KCNQ5: variants seen among roughly 807,000 people sequenced by gnomAD.
KCNQ5 encodes the protein potassium voltage-gated channel subfamily KQT member 5.
A neutral mutation model predicts 98.2 loss-of-function variants in KCNQ5; 30 were observed. That is an observed-to-expected ratio of 0.31 (90% confidence interval 0.23 to 0.41). The LOEUF is 0.41. Ranked by LOEUF, KCNQ5 falls within the 10% of genes least tolerant of loss-of-function variation. The pLI is 1.00. For missense variants in KCNQ5, 835 were observed against 1,182.5 expected (o/e 0.71, Z 4.31); for synonymous variants, 458 against 449.4 (o/e 1.02, Z -0.24).
intron 1 of KCNQ5, among the ~76,000 whole-genome samples, chr6:72,978,250 T>G (rs1768251519): frequency 6.6e-6 from 1 of 152,246 alleles, no homozygotes; most frequent in African/African-American, 2.4e-5. Flanking sequence ...ACTGGTTTTT[T>G]ATCACAGTTA....
chr6:73,190,281 T>C (rs750758779), intron 11 of KCNQ5, among the ~76,000 whole-genome samples: 1 of 152,204 alleles, frequency 6.6e-6, no homozygotes, highest in Non-Finnish European at 1.5e-5. Flanking sequence ...AGAATTGCAT[T>C]TTGACTTTAA....
At chr6:72,883,755 A>T (rs908495161) in intron 1 of KCNQ5, among the ~76,000 whole-genome samples, 10 of 152,176 alleles carry the variant, frequency 6.6e-5, no homozygotes, top group African/African-American at 2.4e-4. Flanking sequence ...AATGAGTAAG[A>T]ATAAGAGGAG....
intron 1 of KCNQ5, among the ~76,000 whole-genome samples, chr6:72,800,127 ACTGT>A (rs1774563281): frequency 7.9e-5 from 12 of 152,140 alleles, no homozygotes; most frequent in Admixed American, 7.9e-4. Context: ...CCTATATCAG[ACTGT>A]CTGAGTTACA....
chr6:73,129,997 G>C (rs1776159301), intron 9 of KCNQ5: 1 of 637,584 alleles, frequency 1.6e-6, no homozygotes, highest in Non-Finnish European at 2.7e-6. Context: ...CAACCCGCTT[G>C]AAATTTTCCT....
intron 1 of KCNQ5, among the ~76,000 whole-genome samples, chr6:72,930,193 G>A (rs1434300602): frequency 6.6e-6 from 1 of 151,182 alleles, no homozygotes; most frequent in Non-Finnish European, 1.5e-5. Flanking sequence ...TGGAGTAGGA[G>A]CTTAACACAT....
At chr6:73,194,029 G>A (rs565217399) in intron 13 of KCNQ5, among the ~76,000 whole-genome samples, 1 of 151,932 alleles carries the variant, frequency 6.6e-6, no homozygotes, top group East Asian at 1.9e-4. Context: ...TGGTAGAGAC[G>A]AGGTCTCACC....
intron 1 of KCNQ5, among the ~76,000 whole-genome samples, chr6:72,723,962 C>G (rs1013128709): frequency 1.3e-5 from 2 of 152,126 alleles, no homozygotes; most frequent in African/African-American, 4.8e-5. Context: ...TTCTGCACTT[C>G]CATTGTCTGC....
intron 1 of KCNQ5, among the ~76,000 whole-genome samples, chr6:72,818,081 G>A (rs1338428819): frequency 2.0e-5 from 3 of 151,982 alleles, no homozygotes; most frequent in South Asian, 2.1e-4. Context: ...TTAAAAAATC[G>A]AAGCTCAGTT....
intron 1 of KCNQ5, among the ~76,000 whole-genome samples, chr6:72,726,384 G>C (rs1368829560): frequency 1.3e-5 from 2 of 151,816 alleles, no homozygotes; most frequent in Non-Finnish European, 2.9e-5. Context: ...CTAATTCCCT[G>C]TATTTTTTTT....
chr6:72,970,505 C>T (rs1767834246), intron 1 of KCNQ5, among the ~76,000 whole-genome samples: 1 of 152,070 alleles, frequency 6.6e-6, no homozygotes, highest in African/African-American at 2.4e-5. Context: ...TCAGTAGTAC[C>T]AAAGCTAATT....
chr6:73,098,370 A>G (rs1774611648), intron 5 of KCNQ5, among the ~76,000 whole-genome samples: 1 of 152,156 alleles, frequency 6.6e-6, no homozygotes, highest in African/African-American at 2.4e-5. Context: ...TAATAACAGA[A>G]CTTCCCAAAC....
At chr6:72,877,901 A>G (rs1455719542) in intron 1 of KCNQ5, among the ~76,000 whole-genome samples, 9 of 152,210 alleles carry the variant, frequency 5.9e-5, no homozygotes, top group Non-Finnish European at 1.2e-4. Flanking sequence ...TTACCTTCTG[A>G]CTTTTTCTGA....
At position 72,856,760 on chromosome 6, in the gene KCNQ5, A is replaced by G. The variant is rs192272647; in HGVS notation, c.399-147148A>G. ...TGCATTAATTAAAATTGATTGATGA[A>G]AGTGCCCAGGATCTAGACCGTTGCA... On this transcript the variant is annotated intron_variant, in intron 1 of 13. Coordinates refer to ENST00000370398, the MANE Select transcript of KCNQ5 (RefSeq NM_019842.4). 3.9e-3 allele frequency among the ~76,000 whole-genome samples: 591 copies of G among 152,334 alleles called. 7 individuals carry two copies. The highest frequency in any genetic ancestry group is 0.013 in the African/African-American group (550 of 41,570).
chr6:73,145,908 C>T (rs564271756), intron 10 of KCNQ5, among the ~76,000 whole-genome samples: 32 of 152,066 alleles, frequency 2.1e-4, no homozygotes, highest in Non-Finnish European at 3.7e-4. Context: ...CGTGTCTTTA[C>T]GTGGTAGCAG....
At chr6:73,070,859 C>T (rs1230705461) in intron 3 of KCNQ5, among the ~76,000 whole-genome samples, 1 of 152,142 alleles carries the variant, frequency 6.6e-6, no homozygotes, top group Non-Finnish European at 1.5e-5. Context: ...AGAAGGGAAG[C>T]ACATATCTGT....
At chr6:72,736,689 C>T (rs1770865898) in intron 1 of KCNQ5, among the ~76,000 whole-genome samples, 1 of 148,754 alleles carries the variant, frequency 6.7e-6, no homozygotes, top group East Asian at 2.0e-4. Context: ...TTAGTAGAGA[C>T]GGGGTTTCAC....
chr6:72,707,141 G>C (rs1432786754), intron 1 of KCNQ5, among the ~76,000 whole-genome samples: 3 of 152,096 alleles, frequency 2.0e-5, no homozygotes. Flanking sequence ...AATGCTTTTG[G>C]CTATGCGTGC....
At chr6:72,792,931 A>T (rs781505429) in intron 1 of KCNQ5, among the ~76,000 whole-genome samples, 1 of 152,250 alleles carries the variant, frequency 6.6e-6, no homozygotes, top group Non-Finnish European at 1.5e-5. Context: ...GTTTGAAATT[A>T]AACATGTTGT....
chr6:73,022,139 T>G (rs982628697), intron 2 of KCNQ5, among the ~76,000 whole-genome samples: 1 of 152,130 alleles, frequency 6.6e-6, no homozygotes, highest in African/African-American at 2.4e-5. Flanking sequence ...ATATTTTAAT[T>G]AAAAACTAAT....
Sources: allele counts gnomAD v4.1 joint callset (sites outside exome capture counted in the v4.1 genomes callset), GRCh38; gene constraint gnomAD v4.1.1; transcripts MANE v1.5; gene names NCBI Gene and HGNC (gene_info 2026-07-23, HGNC 2026-07-21).